The following TENM3 variants were observed in gnomAD, a reference collection of about 807,000 sequenced individuals.
TENM3 encodes the protein teneurin-3.
A neutral mutation model predicts 255.1 loss-of-function variants in TENM3; 63 were observed. The ratio of observed to expected loss-of-function variants is 0.25; its 90% CI spans 0.20 to 0.30. The LOEUF is 0.30. Ranked by LOEUF, TENM3 falls within the 10% of genes least tolerant of loss-of-function variation. The pLI is 1.00. For missense variants in TENM3, 2,929 were observed against 3,461.1 expected (o/e 0.85, Z 3.86); for synonymous variants, 1,306 against 1,322.3 (o/e 0.99, Z 0.27).
chr4:181,974,484 C>T, the TENM3 span, among the ~76,000 whole-genome samples: 1 of 152,138 alleles, frequency 6.6e-6, no homozygotes, highest in East Asian at 1.9e-4. Context: ...AGGAGAATCG[C>T]TTGAACCCAG....
At chr4:181,459,162 A>G in the TENM3 span, among the ~76,000 whole-genome samples, 1 of 151,920 alleles carries the variant, frequency 6.6e-6, no homozygotes, top group Non-Finnish European at 1.5e-5. Context: ...AATACATTGA[A>G]TATTTTTTCA....
chr4:182,266,032 T>C (rs1197989839), intron 1 of TENM3, among the ~76,000 whole-genome samples: 3 of 152,232 alleles, frequency 2.0e-5, no homozygotes, highest in Non-Finnish European at 4.4e-5. Context: ...TACCATTAGA[T>C]TCTAGTTAAG....
the TENM3 span, among the ~76,000 whole-genome samples, chr4:181,549,639 C>T: frequency 0.33 from 49,654 of 152,038 alleles, 9,292 homozygotes; most frequent in African/African-American, 0.52. Flanking sequence ...TTTTCCTGTA[C>T]CCCAGATTCT....
At chr4:182,082,449 A>G in the TENM3 span, among the ~76,000 whole-genome samples, 1 of 152,218 alleles carries the variant, frequency 6.6e-6, no homozygotes, top group African/African-American at 2.4e-5. Flanking sequence ...ATGTACATTC[A>G]TGTACTCACC....
At chr4:181,878,836 T>C in the TENM3 span, among the ~76,000 whole-genome samples, 1 of 152,168 alleles carries the variant, frequency 6.6e-6, no homozygotes, top group Non-Finnish European at 1.5e-5. Flanking sequence ...CCTACCTACC[T>C]ACCTGCTTAT....
At chr4:182,682,102 C>A in intron 11 of TENM3, 88 bp downstream of exon 11, 3 of 1,054,880 alleles carry the variant, frequency 2.8e-6, no homozygotes, top group Non-Finnish European at 2.8e-6. Context: ...CCTTTTTAAA[C>A]CTAATACAAA....
intron 3 of TENM3, among the ~76,000 whole-genome samples, chr4:182,506,104 C>T (rs62337215): frequency 0.062 from 9,390 of 152,186 alleles, 352 homozygotes; most frequent in East Asian, 0.11. Context: ...CTCAGCAAGA[C>T]GGAGTCAAGG....
chr4:182,195,687 G>A (rs1421656227), intron 1 of TENM3, among the ~76,000 whole-genome samples: 5 of 152,006 alleles, frequency 3.3e-5, no homozygotes, highest in Non-Finnish European at 7.4e-5. Flanking sequence ...ATACAACTTC[G>A]CTACACTCAG....
chr4:181,468,869 A>T, the TENM3 span, among the ~76,000 whole-genome samples: 1 of 152,220 alleles, frequency 6.6e-6, no homozygotes, highest in Admixed American at 6.5e-5. Flanking sequence ...AGTTTCTGGA[A>T]AAGTCGTTAC....
chr4:182,730,544 G>T (rs1688287796), intron 15 of TENM3, among the ~76,000 whole-genome samples: 1 of 152,158 alleles, frequency 6.6e-6, no homozygotes, highest in South Asian at 2.1e-4. Flanking sequence ...CTGTAGTTTT[G>T]TAGGAGAATG....
At chr4:181,795,878 G>T in the TENM3 span, among the ~76,000 whole-genome samples, 1 of 152,142 alleles carries the variant, frequency 6.6e-6, no homozygotes, top group African/African-American at 2.4e-5. Context: ...TTGTGTTTTA[G>T]ATAGATGTCT....
At chr4:181,620,047 G>A in the TENM3 span, among the ~76,000 whole-genome samples, 4 of 152,174 alleles carry the variant, frequency 2.6e-5, no homozygotes, top group East Asian at 7.7e-4. Flanking sequence ...GATCACTCGA[G>A]CCCAGGAGTT....
the TENM3 span, among the ~76,000 whole-genome samples, chr4:181,892,732 G>T: frequency 6.6e-6 from 1 of 152,224 alleles, no homozygotes; most frequent in Admixed American, 6.5e-5. Context: ...CCCTCTCCAT[G>T]AAGTTTGTCT....
the TENM3 span, among the ~76,000 whole-genome samples, chr4:181,935,503 T>G: frequency 6.6e-6 from 1 of 152,200 alleles, no homozygotes; most frequent in Non-Finnish European, 1.5e-5. Flanking sequence ...AATAAAGCCT[T>G]GCTAATTCAG....
chr4:182,535,790 G>A (rs898487621), intron 3 of TENM3, among the ~76,000 whole-genome samples: 8 of 150,834 alleles, frequency 5.3e-5, no homozygotes, highest in African/African-American at 1.9e-4. Flanking sequence ...AATCTGTAAT[G>A]AATTATGATA....
chr4:181,589,893 C>T, the TENM3 span, among the ~76,000 whole-genome samples: 1 of 152,192 alleles, frequency 6.6e-6, no homozygotes, highest in Admixed American at 6.5e-5. Context: ...GAGGACATCT[C>T]TCACATGGAA....
the TENM3 span, among the ~76,000 whole-genome samples, chr4:181,490,304 A>G: frequency 6.6e-6 from 1 of 152,224 alleles, no homozygotes; most frequent in Non-Finnish European, 1.5e-5. Flanking sequence ...CTACCTAGAG[A>G]TGGCTCAGTA....
At chr4:182,655,313 AATT>A (rs1265115525) in intron 6 of TENM3, among the ~76,000 whole-genome samples, 2 of 152,188 alleles carry the variant, frequency 1.3e-5, no homozygotes, top group African/African-American at 4.8e-5. Context: ...AAGAAATTGT[AATT>A]ATACCAAAGA....
At chr4:181,986,665 C>T in the TENM3 span, among the ~76,000 whole-genome samples, 4 of 152,046 alleles carry the variant, frequency 2.6e-5, no homozygotes, top group Non-Finnish European at 4.4e-5. Context: ...TAACAGCCCA[C>T]TCTCACTCCC....
Sources: allele counts gnomAD v4.1 joint callset (sites outside exome capture counted in the v4.1 genomes callset), GRCh38; gene constraint gnomAD v4.1.1; transcripts MANE v1.5; gene names NCBI Gene and HGNC (gene_info 2026-07-23, HGNC 2026-07-21).